The following OR14I1 variants were observed in gnomAD, a reference collection of about 807,000 sequenced individuals.
OR14I1 encodes olfactory receptor family 14 subfamily I member 1.
For missense variants in OR14I1, 279 were observed against 181.8 expected (o/e 1.53, Z -3.07); for synonymous variants, 118 against 71.1 (o/e 1.66, Z -3.32).
the OR14I1 span, among the ~76,000 whole-genome samples, chr1:248,700,509 G>A: frequency 2.6e-5 from 4 of 152,098 alleles, no homozygotes; most frequent in African/African-American, 9.7e-5. Flanking sequence ...TCATGACCCC[G>A]AAAATCAAAC....
At chr1:248,695,298 A>G in the OR14I1 span, among the ~76,000 whole-genome samples, 5 of 146,206 alleles carry the variant, frequency 3.4e-5, no homozygotes, top group Admixed American at 7.0e-5. Context: ...CAGTGGTGCA[A>G]TCTCGGCTCA....
At chr1:248,688,708 G>A in the OR14I1 span, among the ~76,000 whole-genome samples, 7 of 152,220 alleles carry the variant, frequency 4.6e-5, no homozygotes, top group Admixed American at 4.6e-4. Context: ...CAAAGATCAT[G>A]ACAACAAGAA....
Position 248,682,007 on chromosome 1 carries a change from A to G in OR14I1, c.298T>C (p.Tyr100His). ...GCAGATGCAAAGGCAGAGAAAAAAT[A>G]GACTTGAGCCACACAGCCAAGATAA... The change falls in exon 1 of 1, where the codon TAT (tyrosine) becomes CAT (histidine). Residue 100 changes from tyrosine to histidine, a missense_variant. Coordinates refer to ENST00000342623, the Ensembl canonical transcript of OR14I1. The G allele has an allele frequency of 3.8e-6, 3 of 781,046 alleles. No individual in the cohort carries two copies. In the East Asian group the frequency reaches 7.3e-5, roughly 19 times the overall value. The allele number at this position is 781,046 out of a possible 1,614,324, so 48.4% of individuals were successfully genotyped here. A position where few individuals can be genotyped will look rare whatever the true frequency, so the allele number is the denominator to read the frequency against.
At chr1:248,683,532 C>G (rs149218794), upstream of OR14I1, among the ~76,000 whole-genome samples, 68 of 152,226 alleles carry the variant, frequency 4.5e-4, no homozygotes, top group African/African-American at 1.5e-3. Context: ...CCCTTGCTAC[C>G]AGGCAAATGT....
At chr1:248,682,216 A>C in exon 1 of OR14I1, 1 of 781,016 alleles carries the variant, frequency 1.3e-6, no homozygotes, top group Non-Finnish European at 2.4e-6. Flanking sequence ...ATAAATCAGC[A>C]GAAACAGCCC....
the OR14I1 span, chr1:248,697,343 A>G: frequency 1.3e-5 from 2 of 152,114 alleles, no homozygotes; most frequent in Non-Finnish European, 2.9e-5. Flanking sequence ...CTCTGTAAAT[A>G]TGTCCAACTG....
chr1:248,679,676 C>T (rs549939845), downstream of OR14I1, among the ~76,000 whole-genome samples: 3 of 152,092 alleles, frequency 2.0e-5, no homozygotes, highest in Non-Finnish European at 4.4e-5. Flanking sequence ...GTCATTTGAG[C>T]CTTATCAGGT....
chr1:248,689,448 C>T, the OR14I1 span, among the ~76,000 whole-genome samples: 1 of 152,158 alleles, frequency 6.6e-6, no homozygotes, highest in Non-Finnish European at 1.5e-5. Flanking sequence ...AATTCTGAAC[C>T]CAGTCCAGTC....
the OR14I1 span, chr1:248,692,730 T>A: frequency 6.6e-6 from 1 of 152,362 alleles, no homozygotes; most frequent in Non-Finnish European, 1.5e-5. Flanking sequence ...CTTAACTGAC[T>A]GCCTGGCCTC....
At chr1:248,697,402 G>A in the OR14I1 span, among the ~76,000 whole-genome samples, 2 of 151,342 alleles carry the variant, frequency 1.3e-5, no homozygotes, top group African/African-American at 4.9e-5. Context: ...TCATTGACAG[G>A]CTCTCTACTA....
the OR14I1 span, among the ~76,000 whole-genome samples, chr1:248,697,566 C>T: frequency 6.6e-6 from 1 of 151,706 alleles, no homozygotes; most frequent in Non-Finnish European, 1.5e-5. Context: ...GGGCAGATCA[C>T]TTGAGGTCGG....
the OR14I1 span, among the ~76,000 whole-genome samples, chr1:248,699,464 C>G: frequency 3.2e-4 from 49 of 152,150 alleles, 1 homozygote; most frequent in East Asian, 9.5e-3. Flanking sequence ...TATATGGCAG[C>G]AGAAATAACA....
the OR14I1 span, among the ~76,000 whole-genome samples, chr1:248,697,418 G>A: frequency 1.3e-5 from 2 of 150,406 alleles, no homozygotes; most frequent in Non-Finnish European, 3.0e-5. Context: ...TACTAGCTTT[G>A]AGGAAGTTGG....
chr1:248,697,978 C>T, the OR14I1 span, among the ~76,000 whole-genome samples: 1 of 152,164 alleles, frequency 6.6e-6, no homozygotes, highest in Non-Finnish European at 1.5e-5. Flanking sequence ...TAATTGAAGA[C>T]ATTTAAATGA....
upstream of OR14I1, among the ~76,000 whole-genome samples, chr1:248,684,127 G>C (rs74568698): frequency 1.7e-3 from 259 of 152,326 alleles, 1 homozygote; most frequent in Non-Finnish European, 3.1e-3. Context: ...CACTATCCCT[G>C]ATAAACGACA....
the OR14I1 span, among the ~76,000 whole-genome samples, chr1:248,696,222 G>C: frequency 6.6e-6 from 1 of 152,330 alleles, no homozygotes; most frequent in South Asian, 2.1e-4. Flanking sequence ...GGCAGAAGAG[G>C]CCCTGGTCTG....
At chr1:248,682,282 G>A (rs1350996705) in exon 1 of OR14I1, 1 of 751,156 alleles carries the variant, frequency 1.3e-6, no homozygotes, top group Non-Finnish European at 2.5e-6. Context: ...CAGGAATTCT[G>A]TCACTTTTGT....
the OR14I1 span, among the ~76,000 whole-genome samples, chr1:248,695,925 A>C: frequency 6.6e-5 from 10 of 152,242 alleles, no homozygotes; most frequent in Non-Finnish European, 1.2e-4. Context: ...AGAGAATTGC[A>C]GCACTGAGAA....
chr1:248,701,373 C>CA, the OR14I1 span, among the ~76,000 whole-genome samples: 12,311 of 152,164 alleles, frequency 0.081, 1,633 homozygotes, highest in African/African-American at 0.28. Context: ...ATGCTGGTCT[C>CA]AAACTCCGGA....
Sources: gnomAD v4.1 joint callset for allele counts (sites outside exome capture counted in the v4.1 genomes callset) on GRCh38, gnomAD v4.1.1 for gene constraint, MANE v1.5 for transcripts, NCBI Gene and HGNC (gene_info 2026-07-23, HGNC 2026-07-21) for gene names.